Variants in TMEM132E observed in about 807,000 individuals in gnomAD.
The protein encoded by TMEM132E is transmembrane protein 132E.
In TMEM132E, 49 loss-of-function variants were observed where a neutral mutation model predicts 78.5. That is an observed-to-expected ratio of 0.62 (90% CI 0.50 to 0.79). The LOEUF is 0.79. Among genes scored for constraint, TMEM132E ranks in the 30% least tolerant of loss-of-function variants. TMEM132E has a pLI of 0.00. For missense variants in TMEM132E, 1,403 were observed against 1,470.9 expected (o/e 0.95, Z 0.75); for synonymous variants, 715 against 670.6 (o/e 1.07, Z -1.02).
chr17:34,611,853 C>T (rs1906603814), intron 1 of TMEM132E, among the ~76,000 whole-genome samples: 1 of 152,190 alleles, frequency 6.6e-6, no homozygotes, highest in South Asian at 2.1e-4. Flanking sequence ...GCCCAGTCCC[C>T]AGTCACCTCT....
chr17:34,626,820 C>T lies in TMEM132E; in HGVS notation c.761C>T (p.Pro254Leu), dbSNP rs769685682. The T allele has an allele frequency of 1.3e-6, 2 of 1,542,820 alleles. No individual in the cohort carries two copies. The highest frequency in any genetic ancestry group is 1.2e-5 in the South Asian group (1 of 85,094). Residue 254 changes from proline (P) to leucine (L), a missense_variant, in exon 2 of 9, where the codon CCC (proline) becomes CTC (leucine). Transcript: ENST00000631683. ...GGGGGCTCCCGCCGGGGGGCCGGGC[C>T]CGGGGTGGGGGCCCGAGCGGAAAGC... ...GCGGSRRGAG[P>L]GVGARAESPT...
intron 1 of TMEM132E, among the ~76,000 whole-genome samples, chr17:34,586,024 G>A (rs568889172): frequency 7.2e-5 from 11 of 152,068 alleles, no homozygotes; most frequent in Non-Finnish European, 1.6e-4. Context: ...TCCCAAATGT[G>A]AGGGGGCGGT....
At chr17:34,630,215 C>T in intron 5 of TMEM132E, 64 bp downstream of exon 5, 1 of 1,548,936 alleles carries the variant, frequency 6.5e-7, no homozygotes. Flanking sequence ...AGTAGAACCT[C>T]AAACCAGAGT....
In TMEM132E at chr17:34,638,102, C is replaced by A. The variant is rs1391562274; in HGVS notation, c.3095C>A (p.Pro1032His). The part of the protein sequence containing the change: ...PSEELAYDSV[P>H]AGEEDEEEEE... ...GAGGAGCTGGCCTATGACTCGGTGCCCGCGGGCGAAGAGGACGAGGAGGAG... is the reference window on the plus strand; with the variant it reads ...GAGGAGCTGGCCTATGACTCGGTGCACGCGGGCGAAGAGGACGAGGAGGAG... Residue 1032 changes from proline (P) to histidine (H), a missense_variant, in exon 9 of 9, where the codon CCC (proline) becomes CAC (histidine). Around this residue, in one of 3 missense-constraint regions of TMEM132E, gnomAD observed 888 missense variants for 952.8 expected, o/e 0.93. Transcript: ENST00000631683. 2 of 1,598,466 alleles carry A rather than the reference C, an allele frequency of 1.3e-6. No homozygotes were observed. Among genetic ancestry groups the A allele is most frequent in the Non-Finnish European group, 1.7e-6 (2 of 1,172,992 alleles).
intron 1 of TMEM132E, among the ~76,000 whole-genome samples, chr17:34,614,027 G>C (rs547995891): frequency 8.5e-5 from 13 of 152,172 alleles, no homozygotes; most frequent in African/African-American, 3.1e-4. Flanking sequence ...CCCTTCCCTC[G>C]TGGTCATCCT....
Position 34,627,025 on chromosome 17 carries a change from C to T in TMEM132E, c.966C>T (p.Pro322=), listed in dbSNP as rs759855801. Residue 322 remains proline (P), a synonymous_variant, in exon 2 of 9, where the codon CCC becomes CCT. Coordinates refer to ENST00000631683, the MANE Select transcript of TMEM132E (RefSeq NM_001304438.2). ...LLYLAPNSSS[P]SSPSVEHFTL... is the part of the protein sequence containing the mutation. The stretch of plus-strand genomic sequence containing the variant: ...ATCTGGCCCCCAACTCCTCCTCGCC[C>T]TCCAGCCCCAGCGTGGAGCACTTCA... The T allele has an allele frequency of 5.0e-6, 8 of 1,613,656 alleles. No individual in the cohort carries two copies. In the East Asian group the frequency reaches 1.8e-4, roughly 36 times the overall value.
Position 34,626,535 on chromosome 17 carries a change from C to T in TMEM132E, c.476C>T (p.Thr159Ile). Residue 159 changes from threonine to isoleucine, a missense_variant, in exon 2 of 9, where the codon ACC (threonine) becomes ATC (isoleucine). Physicochemically the swap from Thr to Ile is moderately conservative, Grantham distance 89 (BLOSUM62 -1). This residue lies in a region of TMEM132E where 511 missense variants were observed against 499.0 expected (regional missense o/e 1.02). Coordinates refer to ENST00000631683, the MANE Select transcript of TMEM132E (RefSeq NM_001304438.2). ...CGGGACTGGGACGACTTCGGCGTCACCGAGCGGCTGCCCTGTGTCCGCCTG... is the reference window on the plus strand; with the variant it reads ...CGGGACTGGGACGACTTCGGCGTCATCGAGCGGCTGCCCTGTGTCCGCCTG... The part of the protein sequence containing the change: ...AGRDWDDFGV[T>I]ERLPCVRLHA... 1 of 1,600,184 alleles carries T rather than the reference C, an allele frequency of 6.2e-7. No homozygotes were observed. The highest frequency in any genetic ancestry group is 1.1e-5 in the South Asian group (1 of 90,606).
chr17:34,585,406 A>AC (rs1481033710), intron 1 of TMEM132E, among the ~76,000 whole-genome samples: 2 of 152,204 alleles, frequency 1.3e-5, no homozygotes, highest in African/African-American at 4.8e-5. Flanking sequence ...AACTCCCACC[A>AC]CTGGGGTCTG....
At chr17:34,586,137 C>T (rs532498503) in intron 1 of TMEM132E, among the ~76,000 whole-genome samples, 3 of 152,168 alleles carry the variant, frequency 2.0e-5, no homozygotes, top group Non-Finnish European at 4.4e-5. Context: ...TCCCCAAGCA[C>T]ACGCCTCTCT....
rs142726871 is a variant in TMEM132E, at chr17:34,595,487, A to G, written c.67+14344A>G. Among the ~76,000 whole-genome samples, 11 of 152,298 alleles carry G rather than the reference A, an allele frequency of 7.2e-5. No homozygotes were observed. The East Asian group carries it at 2.1e-3, about 29-fold the overall frequency. On this transcript the variant is annotated intron_variant, in intron 1 of 8. Transcript: ENST00000631683. ...GCTGGCACTAGATCAGTGTGTGTGG[A>G]CCTGCACTGAGAGCCTGTGTGTACT...
At chr17:34,604,590 C>T (rs1906349645) in intron 1 of TMEM132E, among the ~76,000 whole-genome samples, 1 of 152,146 alleles carries the variant, frequency 6.6e-6, no homozygotes, top group Admixed American at 6.5e-5. Flanking sequence ...TGCCCCCTCC[C>T]CCAACTCAGA....
chr17:34,610,331 C>A (rs965304869), intron 1 of TMEM132E, among the ~76,000 whole-genome samples: 9 of 152,298 alleles, frequency 5.9e-5, no homozygotes, highest in Admixed American at 2.0e-4. Context: ...TGTTGAATAT[C>A]TTTACTGGGT....
intron 1 of TMEM132E, among the ~76,000 whole-genome samples, chr17:34,614,983 G>T (rs998051618): frequency 6.6e-6 from 1 of 152,176 alleles, no homozygotes; most frequent in South Asian, 2.1e-4. Context: ...CCTTTCCTTG[G>T]CCTCCTCTTG....
intron 1 of TMEM132E, among the ~76,000 whole-genome samples, chr17:34,583,158 TC>T (rs1393562684): frequency 3.3e-5 from 5 of 152,170 alleles, no homozygotes; most frequent in Non-Finnish European, 7.3e-5. Context: ...TTATTCCCTG[TC>T]TCTCCACACA....
intron 1 of TMEM132E, among the ~76,000 whole-genome samples, chr17:34,605,599 C>T (rs1484879270): frequency 6.6e-6 from 1 of 152,146 alleles, no homozygotes; most frequent in African/African-American, 2.4e-5. Flanking sequence ...TTCAAAGCCC[C>T]CCACCATCAG....
intron 1 of TMEM132E, among the ~76,000 whole-genome samples, chr17:34,611,127 G>T (rs983316676): frequency 6.6e-6 from 1 of 152,242 alleles, no homozygotes; most frequent in South Asian, 2.1e-4. Context: ...CTACCAGGTG[G>T]AATGTGTGAG....
intron 1 of TMEM132E, among the ~76,000 whole-genome samples, chr17:34,588,591 T>A (rs1905757961): frequency 6.6e-6 from 1 of 152,092 alleles, no homozygotes; most frequent in Admixed American, 6.6e-5. Context: ...ACAACAAAAA[T>A]CCCTGCATTC....
chr17:34,628,531 C>G (rs914265053), intron 2 of TMEM132E, 32 bp from the exon 3 acceptor site: 1 of 1,612,412 alleles, frequency 6.2e-7, no homozygotes, highest in Non-Finnish European at 8.5e-7. Context: ...TAGCCTGACC[C>G]TCTCCCTCTT....
At chr17:34,610,449 C>A (rs116442506) in intron 1 of TMEM132E, among the ~76,000 whole-genome samples, 3 of 152,144 alleles carry the variant, frequency 2.0e-5, no homozygotes, top group African/African-American at 7.2e-5. Context: ...ACATGCAAAC[C>A]GACAGTTGCA....
Sources: gnomAD v4.1 joint callset for allele counts (sites outside exome capture counted in the v4.1 genomes callset) on GRCh38, gnomAD v4.1.1 for gene constraint, gnomAD v4.1.1 regional missense constraint, MANE v1.5 for transcripts, NCBI Gene and HGNC (gene_info 2026-07-23, HGNC 2026-07-21) for gene names.